CTNNA2: variants seen among roughly 807,000 people sequenced by gnomAD.
The protein encoded by CTNNA2 is catenin alpha-2.
Under a neutral mutation model 101.0 loss-of-function variants are expected in CTNNA2, and 42 were observed. The observed-to-expected ratio is 0.42, with a 90% CI of 0.32 to 0.54. The LOEUF is 0.54. Ranked by LOEUF, CTNNA2 falls within the 20% of genes least tolerant of loss-of-function variation. The pLI, the probability that CTNNA2 is intolerant of heterozygous loss-of-function variation, is 0.14. For synonymous variants in CTNNA2, 450 were observed against 456.4 expected (o/e 0.99, Z 0.18); for missense variants, 871 against 1,223.1 (o/e 0.71, Z 4.29).
intron 3 of CTNNA2, among the ~76,000 whole-genome samples, chr2:79,829,046 C>T (rs1223615313): frequency 3.4e-4 from 52 of 152,130 alleles, no homozygotes. Flanking sequence ...ACCTACCCCA[C>T]TCTTATGAGT....
At chr2:80,019,622 C>G (rs1353520537) in intron 7 of CTNNA2, among the ~76,000 whole-genome samples, 1 of 152,112 alleles carries the variant, frequency 6.6e-6, no homozygotes, top group South Asian at 2.1e-4. Flanking sequence ...TCTTGTCAGG[C>G]CATTTACTTT....
chr2:79,319,912 G>T (rs902110356), intron 3 of CTNNA2: 5 of 152,208 alleles, frequency 3.3e-5, no homozygotes, highest in Non-Finnish European at 7.3e-5. Flanking sequence ...CCAGGTATTG[G>T]TTGGGGAATT....
chr2:80,644,905 G>T (rs1294206691), intron 18 of CTNNA2, among the ~76,000 whole-genome samples: 1 of 152,070 alleles, frequency 6.6e-6, no homozygotes. Context: ...AAGGCAAAGG[G>T]GTTCTGAAGA....
rs184250696 is a variant in CTNNA2 at position 79,413,163 on chromosome 2, T to G, written c.-135+39150T>G. ...TTTATTATCATTGTTGTCATTTGCT[T>G]TTTTGCAGGGGTGGCTGGGGAGGGG... On this transcript the variant is annotated intron_variant, in intron 4 of 21. Transcript: ENST00000466387. Among the ~76,000 whole-genome samples the G allele has an allele frequency of 5.8e-4, 88 of 152,096 alleles. 1 individual carries two copies. In the East Asian group the frequency reaches 0.012, roughly 20 times the overall value.
chr2:80,251,465 G>A (rs972572396), intron 7 of CTNNA2, among the ~76,000 whole-genome samples: 4 of 152,064 alleles, frequency 2.6e-5, no homozygotes, highest in Non-Finnish European at 4.4e-5. Context: ...ACGAAGAGGG[G>A]GACCTGAATG....
intron 7 of CTNNA2, among the ~76,000 whole-genome samples, chr2:79,927,517 A>T (rs2104405200): frequency 6.6e-6 from 1 of 152,182 alleles, no homozygotes; most frequent in South Asian, 2.1e-4. Context: ...CTGAAGATGG[A>T]TTTTTTTTCA....
intron 3 of CTNNA2, among the ~76,000 whole-genome samples, chr2:79,753,448 T>C (rs1398402008): frequency 6.6e-6 from 1 of 152,176 alleles, no homozygotes; most frequent in African/African-American, 2.4e-5. Context: ...TTATAGAGAA[T>C]CCTTAAAACA....
intron 2 of CTNNA2, among the ~76,000 whole-genome samples, chr2:79,209,610 C>T (rs949686356): frequency 5.3e-5 from 8 of 152,174 alleles, no homozygotes; most frequent in African/African-American, 1.9e-4. Context: ...CAATGATTCA[C>T]TGTTAAACAA....
At chr2:80,501,668 G>A (rs1228549179) in intron 9 of CTNNA2, among the ~76,000 whole-genome samples, 1 of 152,218 alleles carries the variant, frequency 6.6e-6, no homozygotes, top group African/African-American at 2.4e-5. Flanking sequence ...TATTATGAAT[G>A]TGCGTTCAGG....
At chr2:79,414,740 G>A (rs1678458719) in intron 4 of CTNNA2, among the ~76,000 whole-genome samples, 1 of 152,048 alleles carries the variant, frequency 6.6e-6, no homozygotes, top group Non-Finnish European at 1.5e-5. Context: ...AGCTAGGCTA[G>A]TCTCTCTGAG....
At chr2:80,125,289 C>T (rs1382798970) in intron 7 of CTNNA2, among the ~76,000 whole-genome samples, 2 of 152,090 alleles carry the variant, frequency 1.3e-5, no homozygotes. Flanking sequence ...CTCTCAAGTC[C>T]ATTGCTGGCT....
intron 16 of CTNNA2, among the ~76,000 whole-genome samples, chr2:80,607,300 T>C (rs960509175): frequency 1.3e-5 from 2 of 151,876 alleles, no homozygotes; most frequent in African/African-American, 4.8e-5. Flanking sequence ...GGCCTGGAAG[T>C]AGCTCAAGCT....
chr2:80,189,439 C>G (rs1039724560), intron 7 of CTNNA2, among the ~76,000 whole-genome samples: 1 of 152,226 alleles, frequency 6.6e-6, no homozygotes, highest in Non-Finnish European at 1.5e-5. Flanking sequence ...GATTCCTTCT[C>G]CATGCTTACA....
chr2:79,247,938 T>C (rs932297927), intron 2 of CTNNA2, among the ~76,000 whole-genome samples: 1 of 152,206 alleles, frequency 6.6e-6, no homozygotes, highest in Non-Finnish European at 1.5e-5. Flanking sequence ...ACACCTGGAC[T>C]TCATCCCAAG....
intron 7 of CTNNA2, among the ~76,000 whole-genome samples, chr2:80,380,141 A>G (rs984316185): frequency 7.8e-5 from 11 of 141,736 alleles, no homozygotes; most frequent in African/African-American, 2.1e-4. Flanking sequence ...GGTTCACGCC[A>G]TTCTCCTGCC....
chr2:79,632,897 A>G (rs1382006556), intron 1 of CTNNA2, among the ~76,000 whole-genome samples: 1 of 152,176 alleles, frequency 6.6e-6, no homozygotes, highest in Non-Finnish European at 1.5e-5. Flanking sequence ...CAATTACTCA[A>G]CTCGGCTATT....
chr2:80,434,302 G>A (rs958658563), intron 9 of CTNNA2, among the ~76,000 whole-genome samples: 1 of 152,120 alleles, frequency 6.6e-6, no homozygotes, highest in African/African-American at 2.4e-5. Context: ...AGCAGTGAAT[G>A]TTCTGTTTTG....
upstream of CTNNA2, among the ~76,000 whole-genome samples, chr2:79,509,642 G>A (rs552828356): frequency 1.3e-5 from 2 of 152,280 alleles, no homozygotes; most frequent in Admixed American, 1.3e-4. Context: ...AGTATTTTTA[G>A]TGAGTAAAAC....
chr2:80,426,447 C>G (rs1680999902), intron 9 of CTNNA2, among the ~76,000 whole-genome samples: 1 of 152,178 alleles, frequency 6.6e-6, no homozygotes, highest in Non-Finnish European at 1.5e-5. Context: ...CCTTCTCCTC[C>G]CATCTCTACC....
Sources: gnomAD v4.1 joint callset for allele counts (sites outside exome capture counted in the v4.1 genomes callset) on GRCh38, gnomAD v4.1.1 for gene constraint, MANE v1.5 for transcripts, NCBI Gene and HGNC (gene_info 2026-07-23, HGNC 2026-07-21) for gene names.